Variants in CNBD1 observed in about 807,000 individuals in gnomAD.
CNBD1 encodes the protein cyclic nucleotide-binding domain-containing protein 1.
Under a neutral mutation model 54.4 loss-of-function variants are expected in CNBD1, and 71 were observed. The observed-to-expected ratio is 1.30, with a 90% confidence interval of 1.08 to 1.59. The LOEUF is 1.59. CNBD1 is among the 40% of genes most tolerant of loss of function. CNBD1 has a pLI of 0.00. For missense variants in CNBD1, 659 were observed against 518.0 expected, an observed-to-expected ratio of 1.27 and a Z score of -2.64; for synonymous variants, 182 against 170.7, an observed-to-expected ratio of 1.07 and a Z score of -0.51.
chr8:87,277,537 A>G (rs1325571632), intron 6 of CNBD1, among the ~76,000 whole-genome samples: 3 of 151,764 alleles, frequency 2.0e-5, no homozygotes, highest in Non-Finnish European at 4.4e-5. Flanking sequence ...GTAGCTACAA[A>G]TTTAAGAAGT....
chr8:87,104,183 T>C (rs1811486956), intron 4 of CNBD1, among the ~76,000 whole-genome samples: 1 of 152,142 alleles, frequency 6.6e-6, no homozygotes, highest in Admixed American at 6.5e-5. Context: ...CTAATAAGAA[T>C]ATAAAAATGT....
intron 2 of CNBD1, among the ~76,000 whole-genome samples, chr8:87,389,939 T>C (rs1159524580): frequency 6.6e-6 from 1 of 151,968 alleles, no homozygotes; most frequent in East Asian, 1.9e-4. Context: ...TCAGAAATAA[T>C]GCCACATATC....
chr8:87,144,610 T>A (rs1481246149), intron 4 of CNBD1, among the ~76,000 whole-genome samples: 1 of 152,130 alleles, frequency 6.6e-6, no homozygotes, highest in Non-Finnish European at 1.5e-5. Context: ...TCACCTGAGG[T>A]CAGGAGTTCA....
At chr8:86,897,836 T>A (rs2131800599) in intron 2 of CNBD1, among the ~76,000 whole-genome samples, 1 of 152,208 alleles carries the variant, frequency 6.6e-6, no homozygotes, top group East Asian at 1.9e-4. Flanking sequence ...AACTATTACA[T>A]GCCCAGTACC....
intron 2 of CNBD1, among the ~76,000 whole-genome samples, chr8:87,422,595 GT>G (rs1433785057): frequency 6.6e-6 from 1 of 152,004 alleles, no homozygotes. Context: ...GATATGCGGC[GT>G]TATTTCTGAG....
intron 4 of CNBD1, among the ~76,000 whole-genome samples, chr8:87,155,457 G>C (rs1373438685): frequency 6.6e-6 from 1 of 152,194 alleles, no homozygotes; most frequent in Non-Finnish European, 1.5e-5. Context: ...GAATTAATCA[G>C]ATCTTGAACT....
At chr8:86,931,796 C>G (rs1209446797) in intron 3 of CNBD1, among the ~76,000 whole-genome samples, 3 of 152,186 alleles carry the variant, frequency 2.0e-5, no homozygotes, top group African/African-American at 7.2e-5. Context: ...AATTGACCCT[C>G]AAGGGAGTCA....
At position 87,263,261 on chromosome 8, in the gene CNBD1, C is replaced by A. The variant is rs546226525; in HGVS notation, c.772-21417C>A. ...TATAAGCTTGTCATTTGTGTGAAAA[C>A]CATGCATATTTGTATATAATAATAC... is the stretch of plus-strand genomic sequence containing the variant. On this transcript the variant is annotated intron_variant, in intron 6 of 10. Coordinates refer to ENST00000518476, the MANE Select transcript of CNBD1 (RefSeq NM_173538.3). Among the ~76,000 whole-genome samples the A allele has an allele frequency of 5.3e-5, 8 of 152,210 alleles. No homozygotes were observed. The South Asian group carries it at 1.7e-3, about 32-fold the overall frequency.
rs574692352 is a variant in CNBD1, at chr8:87,015,657, A to G, written c.431+75903A>G. ...CCTGTAACTTTTACTAATCTAAGGG[A>G]AAAAAATTGTTTTTGAAAACAGGCA... On this transcript the variant is annotated intron_variant, in intron 4 of 10. Transcript: ENST00000518476. Among the ~76,000 whole-genome samples, 71 of 152,178 alleles carry G rather than the reference A, an allele frequency of 4.7e-4. 1 individual carries two copies. Among genetic ancestry groups the G allele is most frequent in the African/African-American group, 1.3e-3 (55 of 41,522 alleles).
chr8:87,328,915 G>T (rs923665203), intron 8 of CNBD1, among the ~76,000 whole-genome samples: 1 of 151,944 alleles, frequency 6.6e-6, no homozygotes, highest in Non-Finnish European at 1.5e-5. Flanking sequence ...TAAAAATCTT[G>T]TCAATTATTT....
intron 5 of CNBD1, among the ~76,000 whole-genome samples, chr8:87,218,047 T>C (rs554998502): frequency 6.6e-6 from 1 of 152,176 alleles, no homozygotes; most frequent in Admixed American, 6.5e-5. Flanking sequence ...TAAAAAATTC[T>C]TAGCTCTTCC....
At chr8:87,334,913 C>T (rs140092709) in intron 8 of CNBD1, among the ~76,000 whole-genome samples, 60 of 151,748 alleles carry the variant, frequency 4.0e-4, no homozygotes, top group Middle Eastern at 3.4e-3. Flanking sequence ...TTAGTAGAGA[C>T]GGGGTTTCCA....
At chr8:87,146,774 G>A (rs1350782282) in intron 4 of CNBD1, among the ~76,000 whole-genome samples, 1 of 152,066 alleles carries the variant, frequency 6.6e-6, no homozygotes. Flanking sequence ...CTACCTTAGT[G>A]CAAAACACTA....
chr8:87,105,165 G>C (rs1811507905), intron 4 of CNBD1, among the ~76,000 whole-genome samples: 1 of 151,980 alleles, frequency 6.6e-6, no homozygotes, highest in Non-Finnish European at 1.5e-5. Flanking sequence ...CAGGGTTTTG[G>C]CTATATCAAA....
intron 8 of CNBD1, among the ~76,000 whole-genome samples, chr8:87,321,785 T>TTTTTTC (rs148732299): frequency 6.7e-6 from 1 of 149,380 alleles, no homozygotes; most frequent in Non-Finnish European, 1.5e-5. Context: ...GTCATCAGGC[T>TTTTTTC]TTTTTCTTTT....
intron 2 of CNBD1, among the ~76,000 whole-genome samples, chr8:87,421,780 G>A (rs1197708765): frequency 2.7e-5 from 4 of 145,808 alleles, no homozygotes; most frequent in Non-Finnish European, 6.0e-5. Flanking sequence ...AGTCCTTTGG[G>A]TATATACCCA....
In CNBD1 at chr8:87,182,914, A is replaced by G. The variant is rs1451442596; in HGVS notation, c.432-23079A>G. On this transcript the variant is annotated intron_variant, in intron 4 of 10. Transcript: ENST00000518476. This position sits in a 1 kb window ranked among gnomAD's most constrained non-coding sequence, Gnocchi z 4.1. Reference sequence around the variant, plus strand: ...AGAACCTCTTTGGTTTAATTAGGTTACACTTATGTATTTTTGTTTTGTTAC... The same window carrying G: ...AGAACCTCTTTGGTTTAATTAGGTTGCACTTATGTATTTTTGTTTTGTTAC... 6.6e-6 allele frequency among the ~76,000 whole-genome samples: 1 copy of G among 152,108 alleles called. No individual in the cohort carries two copies. The highest frequency in any genetic ancestry group is 2.4e-5 in the African/African-American group (1 of 41,438).
intron 4 of CNBD1, among the ~76,000 whole-genome samples, chr8:86,987,847 C>T (rs1339234928): frequency 6.6e-6 from 1 of 152,158 alleles, no homozygotes; most frequent in African/African-American, 2.4e-5. Context: ...ATAAAGCCTA[C>T]TTACTTGATC....
At chr8:87,321,998 A>C (rs200483935) in intron 8 of CNBD1, among the ~76,000 whole-genome samples, 64 of 136,498 alleles carry the variant, frequency 4.7e-4, no homozygotes, top group African/African-American at 1.6e-3. Context: ...ATTCCCCTTC[A>C]TGTGTCCATG....
Sources: gnomAD v4.1 joint callset for allele counts (sites outside exome capture counted in the v4.1 genomes callset) on GRCh38, gnomAD v4.1.1 for gene constraint, Gnocchi (gnomAD v3.1) non-coding constraint, MANE v1.5 for transcripts, NCBI Gene and HGNC (gene_info 2026-07-23, HGNC 2026-07-21) for gene names.